The following GCLC variants were observed in gnomAD, a reference collection of about 807,000 sequenced individuals.
GCLC encodes the protein glutamate-cysteine ligase catalytic subunit.
In GCLC, 30 loss-of-function variants were observed where a neutral mutation model predicts 81.5. The ratio of observed to expected loss-of-function variants is 0.37; its 90% CI spans 0.28 to 0.50. The LOEUF (loss-of-function observed/expected upper bound fraction) is 0.50, where lower values mean the gene tolerates loss of function less well. GCLC is among the 20% of genes least tolerant of loss of function. The pLI, the probability that GCLC is intolerant of heterozygous loss-of-function variation, is 0.96. For synonymous variants in GCLC, 262 were observed against 273.3 expected (o/e 0.96, Z 0.41); for missense variants, 556 against 777.4 (o/e 0.72, Z 3.39).
Position 53,498,723 on chromosome 6 carries a change from C to T in GCLC, c.*33G>A, listed in dbSNP as rs750874052. ...GAGAGGCATGGTACTGTAGCCAGTT[C>T]GTCAATAATGCATTTTTCTTTCTGT... On this transcript the variant is annotated 3_prime_UTR_variant, in exon 16 of 16. Coordinates refer to ENST00000650454, the MANE Select transcript of GCLC (RefSeq NM_001498.4). 6.8e-6 allele frequency: 9 copies of T among 1,324,192 alleles called. No individual in the cohort carries two copies. The highest frequency in any genetic ancestry group is 4.7e-5 in the South Asian group (4 of 85,166). The allele number at this position is 1,324,192 out of a possible 1,614,324, so 82.0% of individuals were successfully genotyped here.
chr6:53,523,644 G>C (rs1274475925), intron 1 of GCLC, among the ~76,000 whole-genome samples: 1 of 152,178 alleles, frequency 6.6e-6, no homozygotes, highest in Non-Finnish European at 1.5e-5. Context: ...TGGGCTGTTT[G>C]CTTTTCAGGG....
intron 3 of GCLC, among the ~76,000 whole-genome samples, chr6:53,517,249 GTT>G (rs201960255): frequency 0.02 from 1,464 of 72,980 alleles, 11 homozygotes; most frequent in Non-Finnish European, 0.029. Flanking sequence ...ACTGTACCAA[GTT>G]TTTTTTTTTT....
intron 1 of GCLC, among the ~76,000 whole-genome samples, chr6:53,536,224 T>A (rs1763254801): frequency 6.6e-6 from 1 of 152,144 alleles, no homozygotes; most frequent in Admixed American, 6.5e-5. Flanking sequence ...AAACTAGATA[T>A]CAAATGCAAA....
At chr6:53,532,141 G>C (rs557547882) in intron 1 of GCLC, among the ~76,000 whole-genome samples, 49 of 152,252 alleles carry the variant, frequency 3.2e-4, no homozygotes, top group South Asian at 2.9e-3. Flanking sequence ...CTATCAATAG[G>C]AAGATACTAC....
At chr6:53,539,654 A>G (rs1194684773) in intron 1 of GCLC, among the ~76,000 whole-genome samples, 2 of 152,118 alleles carry the variant, frequency 1.3e-5, no homozygotes, top group South Asian at 2.1e-4. Flanking sequence ...GTGCAACAGT[A>G]AGCAAAAAAA....
chr6:53,537,941 T>C (rs957897944), intron 1 of GCLC, among the ~76,000 whole-genome samples: 3 of 152,042 alleles, frequency 2.0e-5, no homozygotes, highest in African/African-American at 4.8e-5. Context: ...GCAAGGAAGG[T>C]AGTATTGTCC....
At chr6:53,538,172 G>T (rs1763289794) in intron 1 of GCLC, among the ~76,000 whole-genome samples, 1 of 127,816 alleles carries the variant, frequency 7.8e-6, no homozygotes, top group Admixed American at 8.4e-5. Context: ...TTAAAGAGAT[G>T]GGGTCCCACT....
chr6:53,506,858 T>C lies in GCLC; in HGVS notation c.1197+55A>G. ...GTGAAATGCATATAAAACAGAGGATTCCAGACTCTCAGAAGTCAATACATA... is the reference window on the plus strand; with the variant it reads ...GTGAAATGCATATAAAACAGAGGATCCCAGACTCTCAGAAGTCAATACATA... On this transcript the variant is annotated intron_variant, in intron 10 of 15. Transcript: ENST00000650454. The surrounding 1 kb of genome is among the most constrained non-coding windows in gnomAD (Gnocchi z 4.0). 2 of 927,196 alleles carry C rather than the reference T, an allele frequency of 2.2e-6. No individual in the cohort carries two copies. Among genetic ancestry groups the C allele is most frequent in the Non-Finnish European group, 3.5e-6 (2 of 567,042 alleles). 57.4% of individuals were successfully genotyped at this position (927,196 alleles called of 1,614,324 possible). A position where few individuals can be genotyped will look rare whatever the true frequency, so the allele number is the denominator to read the frequency against.
At chr6:53,544,121 G>A (rs1337650081) in intron 1 of GCLC, among the ~76,000 whole-genome samples, 2 of 152,206 alleles carry the variant, frequency 1.3e-5, no homozygotes, top group Non-Finnish European at 2.9e-5. Flanking sequence ...CATATTGACC[G>A]CAAAAGCGAA....
At chr6:53,515,278 G>A (rs1581736131) in intron 4 of GCLC, among the ~76,000 whole-genome samples, 1 of 152,224 alleles carries the variant, frequency 6.6e-6, no homozygotes, top group East Asian at 1.9e-4. Flanking sequence ...CTTCCGTGAA[G>A]CCTGCTTTGA....
intron 1 of GCLC, among the ~76,000 whole-genome samples, chr6:53,524,347 A>G (rs1463066264): frequency 6.6e-6 from 1 of 152,204 alleles, no homozygotes. Context: ...CAATCTTGGT[A>G]AGTGAAGATA....
chr6:53,544,663 C>T lies in GCLC; in HGVS notation c.-18G>A. On this transcript the variant is annotated 5_prime_UTR_variant, in exon 1 of 16. Coordinates refer to ENST00000650454, the MANE Select transcript of GCLC (RefSeq NM_001498.4). ...AGCCCCATGGCCGCCCCCTCCTCCTCCTCCTCCTCCTCCGGGCTGACGGCG... is the reference window on the plus strand; with the variant it reads ...AGCCCCATGGCCGCCCCCTCCTCCTTCTCCTCCTCCTCCGGGCTGACGGCG... The T allele has an allele frequency of 1.9e-6, 3 of 1,579,474 alleles. No individual in the cohort carries two copies. The highest frequency in any genetic ancestry group is 2.6e-6 in the Non-Finnish European group (3 of 1,171,258).
intron 12 of GCLC, among the ~76,000 whole-genome samples, chr6:53,501,515 T>C (rs914601294): frequency 2.0e-5 from 3 of 152,242 alleles, no homozygotes; most frequent in African/African-American, 4.8e-5. Context: ...TAATCCCTTA[T>C]TTTCTATAAT....
intron 2 of GCLC, 124 bp from the exon 3 acceptor site, chr6:53,521,084 T>C (rs1762983195): frequency 2.6e-6 from 2 of 770,642 alleles, no homozygotes; most frequent in African/African-American, 1.7e-5. Flanking sequence ...AAGAAGTCCT[T>C]CACAGTTCTC....
At chr6:53,537,598 A>G (rs1334614137) in intron 1 of GCLC, among the ~76,000 whole-genome samples, 1 of 151,798 alleles carries the variant, frequency 6.6e-6, no homozygotes, top group African/African-American at 2.4e-5. Context: ...TGACAGAGCA[A>G]GAAAGACCCT....
At chr6:53,538,871 G>A (rs1482844594) in intron 1 of GCLC, among the ~76,000 whole-genome samples, 1 of 152,122 alleles carries the variant, frequency 6.6e-6, no homozygotes, top group Non-Finnish European at 1.5e-5. Context: ...GTTGTTTTCT[G>A]ACCCTCTACA....
intron 3 of GCLC, 35 bp downstream of exon 3, chr6:53,520,743 G>A (rs779828635): frequency 1.3e-6 from 2 of 1,566,984 alleles, no homozygotes; most frequent in Non-Finnish European, 1.8e-6. Context: ...GTATCTCTGA[G>A]AGATCTGCTG....
chr6:53,525,248 A>T (rs572282997), intron 1 of GCLC, among the ~76,000 whole-genome samples: 4 of 152,154 alleles, frequency 2.6e-5, no homozygotes, highest in Non-Finnish European at 5.9e-5. Context: ...GCTTTTTGTT[A>T]AACACCCCCA....
At chr6:53,511,292 A>G (rs1764735751) in intron 6 of GCLC, among the ~76,000 whole-genome samples, 1 of 152,044 alleles carries the variant, frequency 6.6e-6, no homozygotes, top group Non-Finnish European at 1.5e-5. Context: ...CTGACAAGGC[A>G]TTGAGATTTT....
Sources: allele counts gnomAD v4.1 joint callset (sites outside exome capture counted in the v4.1 genomes callset), GRCh38; gene constraint gnomAD v4.1.1; non-coding constraint Gnocchi (gnomAD v3.1); transcripts MANE v1.5; gene names NCBI Gene and HGNC (gene_info 2026-07-23, HGNC 2026-07-21).